DRC4: variants seen among roughly 807,000 people sequenced by gnomAD.
The protein encoded by DRC4 is dynein regulatory complex subunit 4, also known as GAS-11.
At chr16:90,038,251 TC>T in the DRC4 span, among the ~76,000 whole-genome samples, 1 of 152,178 alleles carries the variant, frequency 6.6e-6, no homozygotes, top group Non-Finnish European at 1.5e-5. Flanking sequence ...TCAGTGCTGG[TC>T]CTCACACTGG....
chr16:90,027,523 G>A, the DRC4 span: 1 of 997,178 alleles, frequency 1.0e-6, no homozygotes, highest in African/African-American at 1.6e-5. Flanking sequence ...CAGGTGAGCA[G>A]AAGGGAGAGA....
chr16:90,042,402 C>T, the DRC4 span: 4 of 1,364,098 alleles, frequency 2.9e-6, no homozygotes, highest in Non-Finnish European at 4.2e-6. Flanking sequence ...CCACTGGAGT[C>T]CCCAGGCCGC....
At chr16:90,022,588 C>G in the DRC4 span, 27 of 1,060,544 alleles carry the variant, frequency 2.5e-5, no homozygotes, top group South Asian at 5.8e-4. Flanking sequence ...TTTGGCAGGG[C>G]CGCTGCCCGG....
At chr16:90,040,487 C>T in the DRC4 span, 23 of 1,604,572 alleles carry the variant, frequency 1.4e-5, no homozygotes, top group Middle Eastern at 2.1e-4. Flanking sequence ...GCAGCCCTGA[C>T]GCTGGTGTCC....
the DRC4 span, chr16:90,036,495 T>G: frequency 1.2e-6 from 2 of 1,614,136 alleles, no homozygotes; most frequent in Non-Finnish European, 1.7e-6. Context: ...ATCCACACGC[T>G]GATGCAGCGC....
At chr16:90,038,966 T>A in the DRC4 span, among the ~76,000 whole-genome samples, 1 of 152,344 alleles carries the variant, frequency 6.6e-6, no homozygotes, top group African/African-American at 2.4e-5. Context: ...CTAATTGAAA[T>A]TTTTGAACAC....
the DRC4 span, among the ~76,000 whole-genome samples, chr16:90,041,633 G>A: frequency 5.3e-5 from 8 of 152,078 alleles, no homozygotes; most frequent in African/African-American, 1.2e-4. Context: ...GTGAAACCCC[G>A]TCTCTACTAA....
At chr16:90,019,657 C>A in the DRC4 span, 5 of 444,854 alleles carry the variant, frequency 1.1e-5, 1 homozygote, top group South Asian at 2.4e-4. This position sits in a 1 kb window ranked among gnomAD's most constrained non-coding sequence, Gnocchi z 6.1. Context: ...CGCGCCCCGC[C>A]GCGGACACCA....
At chr16:90,044,052 A>G in the DRC4 span, 33 of 441,450 alleles carry the variant, frequency 7.5e-5, no homozygotes, top group African/African-American at 4.4e-4. Context: ...TCTGGCCCCA[A>G]CACACCTGAG....
chr16:90,021,709 A>C, the DRC4 span, among the ~76,000 whole-genome samples: 1 of 151,618 alleles, frequency 6.6e-6, no homozygotes, highest in African/African-American at 2.4e-5. Context: ...TCTATTAAAA[A>C]CTTAAAAAAA....
the DRC4 span, chr16:90,044,283 G>T: frequency 2.5e-5 from 11 of 438,058 alleles, no homozygotes; most frequent in Non-Finnish European, 5.0e-5. Flanking sequence ...TCCCCACAAA[G>T]CCTGACCCTG....
At chr16:90,023,981 TAAAA>T in the DRC4 span, among the ~76,000 whole-genome samples, 1 of 129,280 alleles carries the variant, frequency 7.7e-6, no homozygotes. Flanking sequence ...ACACGTCTCT[TAAAA>T]AAAAAAAAAA....
chr16:90,043,451 A>G, the DRC4 span: 1 of 1,143,496 alleles, frequency 8.7e-7, no homozygotes, highest in Non-Finnish European at 1.2e-6. Context: ...TATCATCAGC[A>G]AATGAAAGCT....
At chr16:90,031,951 G>C in the DRC4 span, among the ~76,000 whole-genome samples, 1 of 151,918 alleles carries the variant, frequency 6.6e-6, no homozygotes, top group Non-Finnish European at 1.5e-5. Flanking sequence ...GTGAGGTGTG[G>C]GGAGGTGAGC....
At chr16:90,041,555 C>G in the DRC4 span, among the ~76,000 whole-genome samples, 3 of 152,192 alleles carry the variant, frequency 2.0e-5, no homozygotes, top group Non-Finnish European at 4.4e-5. Flanking sequence ...CCTGTAATCC[C>G]AGCACTTTGG....
chr16:90,020,762 T>C, the DRC4 span: 1 of 152,248 alleles, frequency 6.6e-6, no homozygotes, highest in African/African-American at 2.4e-5. Flanking sequence ...GAGTACCCTG[T>C]CTAGGCTATC....
chr16:90,033,999 C>T, the DRC4 span, among the ~76,000 whole-genome samples: 54 of 151,238 alleles, frequency 3.6e-4, 1 homozygote, highest in African/African-American at 1.2e-3. Flanking sequence ...GGACTGGAGA[C>T]GGGTCAGAGC....
At chr16:90,026,036 T>C in the DRC4 span, among the ~76,000 whole-genome samples, 1 of 152,032 alleles carries the variant, frequency 6.6e-6, no homozygotes, top group East Asian at 1.9e-4. Flanking sequence ...GGAGTATCAG[T>C]TGAGCCCAGG....
chr16:90,044,003 G>A, the DRC4 span: 10 of 426,838 alleles, frequency 2.3e-5, no homozygotes, highest in South Asian at 1.7e-4. Context: ...AGATGGAGAG[G>A]CCAGGAGAGA....
Sources: gnomAD v4.1 joint callset for allele counts (sites outside exome capture counted in the v4.1 genomes callset) on GRCh38, gnomAD v4.1.1 for gene constraint, Gnocchi (gnomAD v3.1) non-coding constraint, MANE v1.5 for transcripts, NCBI Gene and HGNC (gene_info 2026-07-23, HGNC 2026-07-21) for gene names.